Variants in FLT1 observed in about 807,000 individuals in gnomAD.
The protein encoded by FLT1 is vascular endothelial growth factor receptor 1.
FLT1 carries 49 observed loss-of-function variants against 156.3 expected under a neutral mutation model. That is an observed-to-expected ratio of 0.31 (90% CI 0.25 to 0.40). The LOEUF is 0.40. FLT1 is among the 10% of genes least tolerant of loss of function. The probability of loss-of-function intolerance (pLI) is 1.00; values close to 1 mark genes in which losing one functional copy is unlikely to be tolerated. For missense variants in FLT1, 1,322 were observed against 1,637.2 expected (o/e 0.81, Z 3.32); for synonymous variants, 594 against 583.8 (o/e 1.02, Z -0.25).
chr13:28,434,182 T>G lies in FLT1; in HGVS notation c.552A>C (p.Ile184=). The change falls in exon 5 of 30, where the codon ATA becomes ATC. Residue 184 remains isoleucine, a synonymous_variant. Coordinates refer to ENST00000282397, the MANE Select transcript of FLT1 (RefSeq NM_002019.4). ...LDTLIPDGKR[I]IWDSRKGFII... is the part of the protein sequence containing the mutation. Reference sequence around the variant, plus strand: ...TGAAGCCCTTTCTACTGTCCCAGATTATGCGTTTTCCATCAGGGATCAAAG... The same window carrying G: ...TGAAGCCCTTTCTACTGTCCCAGATGATGCGTTTTCCATCAGGGATCAAAG... 6.2e-7 allele frequency: 1 copy of G among 1,614,086 alleles called. No individual in the cohort carries two copies.
chr13:28,343,910 G>A (rs867715951), intron 16 of FLT1, among the ~76,000 whole-genome samples: 2 of 151,776 alleles, frequency 1.3e-5, no homozygotes, highest in African/African-American at 4.8e-5. Flanking sequence ...CCAAAGTGCT[G>A]GGATTACAGG....
chr13:28,429,169 A>G (rs1257206159), intron 8 of FLT1, among the ~76,000 whole-genome samples: 1 of 152,188 alleles, frequency 6.6e-6, no homozygotes. Context: ...TTCTACTGCA[A>G]TGGCATGAAG....
chr13:28,484,078 G>A (rs1269285832), intron 1 of FLT1, among the ~76,000 whole-genome samples: 1 of 152,220 alleles, frequency 6.6e-6, no homozygotes, highest in Non-Finnish European at 1.5e-5. Flanking sequence ...TGGCTAGGAA[G>A]AGACTTGATG....
intron 15 of FLT1, among the ~76,000 whole-genome samples, chr13:28,350,945 TCTCTCC>T (rs1269085924): frequency 6.6e-6 from 1 of 150,996 alleles, no homozygotes. Context: ...CCTTTCTCTC[TCTCTCC>T]CTCTCTCCCT....
chr13:28,368,606 G>T (rs756983654), intron 14 of FLT1: 60 of 1,445,358 alleles, frequency 4.2e-5, no homozygotes, highest in Middle Eastern at 1.7e-4. Context: ...TGACGATGAT[G>T]ATGATGATGA....
intron 20 of FLT1, among the ~76,000 whole-genome samples, chr13:28,326,884 T>C (rs1053934418): frequency 4.6e-5 from 7 of 152,222 alleles, no homozygotes; most frequent in East Asian, 1.9e-4. Flanking sequence ...TTCCTTTTAC[T>C]ACACAGCTTT....
chr13:28,339,150 G>T lies in FLT1; in HGVS notation c.2488+18C>A. The T allele has an allele frequency of 6.2e-7, 1 of 1,612,474 alleles. No individual in the cohort carries two copies. Among genetic ancestry groups the T allele is most frequent in the Non-Finnish European group, 8.5e-7 (1 of 1,178,598 alleles). ...GTGCTCAGTATAGGTTTATGAATCT[G>T]TTGAACAAATATCTTACCCAGTTTA... On this transcript the variant is annotated intron_variant, in intron 17 of 29. Coordinates refer to ENST00000282397, the MANE Select transcript of FLT1 (RefSeq NM_002019.4).
intron 3 of FLT1, among the ~76,000 whole-genome samples, chr13:28,440,969 T>C (rs1459331753): frequency 6.6e-6 from 1 of 152,008 alleles, no homozygotes; most frequent in Non-Finnish European, 1.5e-5. Flanking sequence ...GATGGTCAGG[T>C]GGTTATTAAA....
At chr13:28,486,687 G>A (rs1482694857) in intron 1 of FLT1, among the ~76,000 whole-genome samples, 1 of 152,214 alleles carries the variant, frequency 6.6e-6, no homozygotes, top group African/African-American at 2.4e-5. Context: ...CTCCTCAGAA[G>A]GCAATTTAAT....
chr13:28,307,187 AT>A (rs1003052645), intron 28 of FLT1, among the ~76,000 whole-genome samples: 2 of 151,900 alleles, frequency 1.3e-5, no homozygotes, highest in African/African-American at 4.8e-5. Context: ...ACATCATTCG[AT>A]TTTTTTTCTT....
At chr13:28,389,424 A>C (rs1392771720) in intron 13 of FLT1, 1 of 1,286,504 alleles carries the variant, frequency 7.8e-7, no homozygotes, top group African/African-American at 1.5e-5. Flanking sequence ...GATCATCCCA[A>C]GTTGTTGTTT....
chr13:28,486,123 T>A (rs1255067310), intron 1 of FLT1, among the ~76,000 whole-genome samples: 2 of 152,216 alleles, frequency 1.3e-5, no homozygotes, highest in African/African-American at 4.8e-5. Flanking sequence ...TCTTTCTGTA[T>A]TTGAAAATAA....
chr13:28,388,868 A>G, intron 13 of FLT1: 1 of 1,063,418 alleles, frequency 9.4e-7, no homozygotes, highest in Non-Finnish European at 1.1e-6. Context: ...GGACAGGAAT[A>G]TTTAAAATTA....
rs1028230452 is a variant in FLT1, at chr13:28,322,821, A to G, written c.2922T>C (p.Asp974=). ...ESFASSGFQE[D]KSLSDVEEEE... The stretch of plus-strand genomic sequence containing the variant: ...CTTCCTCAACATCACTCAGACTTTT[A>G]TCTTCCTGAAAGCCGGAGCTCGCAA... The change falls in exon 21 of 30, where the codon GAT becomes GAC. Residue 974 remains aspartate (D), a synonymous_variant. Transcript: ENST00000282397. The surrounding 1 kb of genome is among the most constrained non-coding windows in gnomAD (Gnocchi z 4.3). 1.9e-6 allele frequency: 3 copies of G among 1,614,016 alleles called. No homozygotes were observed. The African/African-American group carries it at 4.0e-5, about 22-fold the overall frequency.
intron 14 of FLT1, 32 bp downstream of exon 14, chr13:28,384,853 A>C (rs1874258531): frequency 6.2e-7 from 1 of 1,607,308 alleles, no homozygotes; most frequent in Non-Finnish European, 8.5e-7. Flanking sequence ...AAAGATGAGA[A>C]ATAATAAATG....
intron 15 of FLT1, among the ~76,000 whole-genome samples, chr13:28,355,354 G>A (rs1385742584): frequency 2.0e-5 from 3 of 152,142 alleles, no homozygotes; most frequent in African/African-American, 7.2e-5. Flanking sequence ...GCACATAAAG[G>A]TCCTAAATAA....
At chr13:28,303,435 T>A in intron 29 of FLT1, 67 bp from the exon 30 acceptor site, 1 of 1,384,848 alleles carries the variant, frequency 7.2e-7, no homozygotes, top group Non-Finnish European at 1.0e-6. Flanking sequence ...GACACTAAAA[T>A]CTACTCTTTC....
At chr13:28,471,109 C>CA (rs1265047768) in intron 1 of FLT1, among the ~76,000 whole-genome samples, 1 of 150,656 alleles carries the variant, frequency 6.6e-6, no homozygotes, top group Non-Finnish European at 1.5e-5. Context: ...AAGACACTGA[C>CA]AAAAATGGGG....
At chr13:28,321,399 ACC>A in intron 23 of FLT1, 62 bp downstream of exon 23, 1 of 1,579,992 alleles carries the variant, frequency 6.3e-7, no homozygotes, top group Non-Finnish European at 8.7e-7. Context: ...GTAAATATTT[ACC>A]AAGTCTGTGG....
Sources: gnomAD v4.1 joint callset for allele counts (sites outside exome capture counted in the v4.1 genomes callset) on GRCh38, gnomAD v4.1.1 for gene constraint, Gnocchi (gnomAD v3.1) non-coding constraint, MANE v1.5 for transcripts, NCBI Gene and HGNC (gene_info 2026-07-23, HGNC 2026-07-21) for gene names.